The following CRHR2 variants were observed in gnomAD, a reference collection of about 807,000 sequenced individuals.
CRHR2 encodes the protein corticotropin-releasing hormone receptor 2.
In CRHR2, 53 loss-of-function variants were observed where a neutral mutation model predicts 57.9. The observed-to-expected ratio is 0.92, with a 90% CI of 0.73 to 1.15. The LOEUF (loss-of-function observed/expected upper bound fraction) is 1.15, where lower values mean the gene tolerates loss of function less well. Among genes scored for constraint, CRHR2 ranks in the 50% most tolerant of loss-of-function variants. The pLI is 0.00. For missense variants in CRHR2, 532 were observed against 542.6 expected (o/e 0.98, Z 0.19); for synonymous variants, 213 against 220.9 (o/e 0.96, Z 0.32).
At chr7:30,673,832 G>A (rs1474053331) in intron 2 of CRHR2, among the ~76,000 whole-genome samples, 2 of 152,192 alleles carry the variant, frequency 1.3e-5, no homozygotes, top group Non-Finnish European at 2.9e-5. Context: ...GGTGGTCAGA[G>A]GGGAACAGGC....
intron 11 of CRHR2, among the ~76,000 whole-genome samples, chr7:30,654,038 C>G (rs1333040706): frequency 6.6e-6 from 1 of 152,124 alleles, no homozygotes; most frequent in Non-Finnish European, 1.5e-5. Flanking sequence ...TGAAGACCGT[C>G]CCCTCTGCAC....
intron 2 of CRHR2, among the ~76,000 whole-genome samples, chr7:30,678,421 G>T (rs1784588999): frequency 6.6e-6 from 1 of 152,212 alleles, no homozygotes; most frequent in African/African-American, 2.4e-5. Flanking sequence ...AGGTTGTGTA[G>T]AGAACACCCA....
chr7:30,692,392 T>G lies in CRHR2; in HGVS notation c.-260-3108A>C, dbSNP rs139925800. ...AGCTTTCCCTCGGACAATGGGCCCC[T>G]GAAGGTGCAGCCTCCATCTCCCTCA... On this transcript the variant is annotated intron_variant, in intron 1 of 13. Transcript: ENST00000341843. Among the ~76,000 whole-genome samples the G allele has an allele frequency of 7.1e-3, 1,084 of 152,260 alleles. 15 individuals are homozygous for G. Among genetic ancestry groups the G allele is most frequent in the African/African-American group, 0.025 (1,041 of 41,560 alleles).
intron 2 of CRHR2, among the ~76,000 whole-genome samples, chr7:30,681,023 C>T (rs903622301): frequency 6.6e-6 from 1 of 152,084 alleles, no homozygotes; most frequent in Non-Finnish European, 1.5e-5. Flanking sequence ...GTGATTGCTG[C>T]CCCCACAGCC....
chr7:30,681,100 C>T (rs891750906), intron 2 of CRHR2, among the ~76,000 whole-genome samples: 2 of 152,128 alleles, frequency 1.3e-5, no homozygotes, highest in Admixed American at 6.5e-5. Flanking sequence ...CCTACCCACA[C>T]GCACACACCC....
chr7:30,667,259 T>C lies in CRHR2; in HGVS notation c.284A>G (p.Tyr95Cys). Residue 95 changes from tyrosine to cysteine, a missense_variant, in exon 3 of 12, where the codon TAC becomes TGC. Physicochemically the swap from Tyr to Cys is radical, Grantham distance 194 (BLOSUM62 -2). Transcript: ENST00000471646. ...ENGTWASKIN[Y>C]SQCEPILDDK... is the part of the protein sequence containing the mutation. ...ATCCAAAATGGGCTCACACTGTGAG[T>C]AGTTGATCTTTGAGGCCCACGTCCC... is the stretch of plus-strand genomic sequence containing the variant. 1 of 1,614,056 alleles carries C rather than the reference T, an allele frequency of 6.2e-7. No homozygotes were observed. Among genetic ancestry groups the C allele is most frequent in the Non-Finnish European group, 8.5e-7 (1 of 1,180,000 alleles).
At chr7:30,679,602 A>C (rs1429762284) in intron 2 of CRHR2, among the ~76,000 whole-genome samples, 1 of 152,190 alleles carries the variant, frequency 6.6e-6, no homozygotes, top group Non-Finnish European at 1.5e-5. Flanking sequence ...CTAAACTGCT[A>C]TCCCCACCCG....
intron 1 of CRHR2, among the ~76,000 whole-genome samples, chr7:30,689,660 GA>G (rs1186545099): frequency 6.6e-6 from 1 of 152,204 alleles, no homozygotes; most frequent in Non-Finnish European, 1.5e-5. Context: ...AATATTTGCA[GA>G]ACACCTACTG....
rs1368607814 is a variant in CRHR2, at chr7:30,661,064, G to A, written c.759-419C>T. ...TGTTCCGTGTGCCAGGCACTCACTC[G>A]GCCACACAAAGCAGCAGATGTGGAA... On this transcript the variant is annotated intron_variant, in intron 7 of 11. Transcript: ENST00000471646. 2.6e-5 allele frequency among the ~76,000 whole-genome samples: 4 copies of A among 152,198 alleles called. No homozygotes were observed. The South Asian group carries it at 6.2e-4, about 24-fold the overall frequency.
intron 2 of CRHR2, among the ~76,000 whole-genome samples, chr7:30,669,189 A>G (rs1784281717): frequency 6.6e-6 from 1 of 152,182 alleles, no homozygotes; most frequent in African/African-American, 2.4e-5. Flanking sequence ...CTATATGTTC[A>G]TAGATATTAT....
chr7:30,684,947 T>G (rs2097911), upstream of CRHR2, among the ~76,000 whole-genome samples: 1 of 152,212 alleles, frequency 6.6e-6, no homozygotes, highest in Non-Finnish European at 1.5e-5. Context: ...ATTAGAGGCT[T>G]TGGGATAGTG....
chr7:30,654,867 A>T (rs1584076671), intron 11 of CRHR2, 172 bp downstream of exon 11: 1 of 1,548,924 alleles, frequency 6.5e-7, no homozygotes, highest in Non-Finnish European at 8.7e-7. Context: ...TGACCTTCTA[A>T]ACTGGCTCCA....
intron 11 of CRHR2, chr7:30,654,623 GGTGTGT>G: frequency 6.8e-7 from 1 of 1,477,938 alleles, no homozygotes; most frequent in Non-Finnish European, 9.1e-7. Flanking sequence ...GCCTGCTCTT[GGTGTGT>G]GGGCTTTTCT....
At chr7:30,694,241 G>C (rs577450965) in intron 1 of CRHR2, among the ~76,000 whole-genome samples, 344 of 152,284 alleles carry the variant, frequency 2.3e-3, no homozygotes, top group African/African-American at 7.8e-3. Context: ...TCTGAACTTT[G>C]CTCTGAGCCT....
At position 30,665,971 on chromosome 7, in the gene CRHR2, C is replaced by G. The variant is rs1247367334; in HGVS notation, c.316-332G>C. On this transcript the variant is annotated intron_variant, in intron 3 of 11. Coordinates refer to ENST00000471646, the MANE Select transcript of CRHR2 (RefSeq NM_001883.5). The surrounding 1 kb of genome is among the most constrained non-coding windows in gnomAD (Gnocchi z 4.5). ...GATCTGCAGGCCTGAAGCAATCCTC[C>G]CACCTCAGCCTCTGAAGTAGCTGGG... Among the ~76,000 whole-genome samples the G allele has an allele frequency of 2.0e-5, 3 of 152,152 alleles. No individual in the cohort carries two copies. Among genetic ancestry groups the G allele is most frequent in the Non-Finnish European group, 4.4e-5 (3 of 68,020 alleles).
intron 7 of CRHR2, among the ~76,000 whole-genome samples, chr7:30,661,494 A>T (rs1419712027): frequency 6.6e-6 from 1 of 152,046 alleles, no homozygotes; most frequent in Non-Finnish European, 1.5e-5. Flanking sequence ...ACTCTACTCC[A>T]TTCTTGCCCC....
chr7:30,659,827 G>A (rs1783926997), intron 8 of CRHR2, among the ~76,000 whole-genome samples: 1 of 152,224 alleles, frequency 6.6e-6, no homozygotes, highest in East Asian at 1.9e-4. Flanking sequence ...AAGGAACTGT[G>A]GCCCTTTAAG....
chr7:30,665,768 C>T lies in CRHR2; in HGVS notation c.316-129G>A. 2 of 721,504 alleles carry T rather than the reference C, an allele frequency of 2.8e-6. No individual in the cohort carries two copies. Among genetic ancestry groups the T allele is most frequent in the Non-Finnish European group, 4.6e-6 (2 of 431,732 alleles). 44.7% of individuals were successfully genotyped at this position (721,504 alleles called of 1,614,324 possible). ...AAGTGCTCCAGGTGTCATTGCCGTG[C>T]CTGGCTCTTAGGGTTCGTTCCTGTT... On this transcript the variant is annotated intron_variant, in intron 3 of 11. Transcript: ENST00000471646. This position sits in a 1 kb window ranked among gnomAD's most constrained non-coding sequence, Gnocchi z 4.5.
chr7:30,690,113 C>T (rs543582899), intron 1 of CRHR2, among the ~76,000 whole-genome samples: 20 of 152,076 alleles, frequency 1.3e-4, no homozygotes, highest in Admixed American at 1.3e-4. Flanking sequence ...CATGTGCACC[C>T]GTGAAGGGAC....
Sources: gnomAD v4.1 joint callset for allele counts (sites outside exome capture counted in the v4.1 genomes callset) on GRCh38, gnomAD v4.1.1 for gene constraint, Gnocchi (gnomAD v3.1) non-coding constraint, MANE v1.5 for transcripts, NCBI Gene and HGNC (gene_info 2026-07-23, HGNC 2026-07-21) for gene names.